Variants in REDIC1 observed in about 807,000 individuals in gnomAD.
REDIC1 encodes the protein regulator of DNA class I crossover intermediates 1, also known as HEI10 Interacting Protein 1.
the REDIC1 span, among the ~76,000 whole-genome samples, chr12:39,883,704 G>A: frequency 6.6e-6 from 1 of 152,160 alleles, no homozygotes; most frequent in African/African-American, 2.4e-5. Flanking sequence ...AACTTTGCAA[G>A]AACTTTCATT....
At chr12:39,701,635 C>T in the REDIC1 span, among the ~76,000 whole-genome samples, 1 of 152,180 alleles carries the variant, frequency 6.6e-6, no homozygotes, top group Non-Finnish European at 1.5e-5. Flanking sequence ...ACACAATATA[C>T]ATTTTTTTCA....
At chr12:39,683,751 G>T in the REDIC1 span, among the ~76,000 whole-genome samples, 2 of 151,636 alleles carry the variant, frequency 1.3e-5, no homozygotes, top group Non-Finnish European at 2.9e-5. Context: ...ATGTGTTCAA[G>T]AAACTCATAT....
the REDIC1 span, among the ~76,000 whole-genome samples, chr12:39,896,513 T>C: frequency 6.8e-6 from 1 of 147,522 alleles, no homozygotes; most frequent in East Asian, 2.0e-4. Context: ...TATGTACATG[T>C]GTGTATACAT....
At chr12:39,801,880 C>T in the REDIC1 span, among the ~76,000 whole-genome samples, 1 of 152,182 alleles carries the variant, frequency 6.6e-6, no homozygotes, top group African/African-American at 2.4e-5. Context: ...ACATTACTCA[C>T]TCACTACACA....
At chr12:39,740,603 T>A in the REDIC1 span, among the ~76,000 whole-genome samples, 1 of 152,288 alleles carries the variant, frequency 6.6e-6, no homozygotes, top group East Asian at 1.9e-4. Flanking sequence ...CAAGGATAAT[T>A]TGTGATGAAA....
At chr12:39,893,126 C>A in the REDIC1 span, among the ~76,000 whole-genome samples, 6 of 152,076 alleles carry the variant, frequency 3.9e-5, no homozygotes, top group African/African-American at 1.2e-4. Context: ...AATGAAAAAA[C>A]CCAATGAGAG....
chr12:39,859,544 C>G, the REDIC1 span, among the ~76,000 whole-genome samples: 453 of 152,146 alleles, frequency 3.0e-3, 5 homozygotes, highest in African/African-American at 9.9e-3. Flanking sequence ...CTTTTTAAGA[C>G]AGAGTCTCCC....
the REDIC1 span, among the ~76,000 whole-genome samples, chr12:39,893,530 C>T: frequency 1.3e-5 from 2 of 152,198 alleles, no homozygotes; most frequent in South Asian, 2.1e-4. Context: ...AAACTCCTGA[C>T]CTCAGGTGAT....
chr12:39,819,642 A>C, the REDIC1 span: 1 of 152,176 alleles, frequency 6.6e-6, no homozygotes, highest in Non-Finnish European at 1.5e-5. Flanking sequence ...AGGAACATTC[A>C]TTTCTTTAAA....
chr12:39,683,190 G>C, the REDIC1 span: 10 of 1,466,892 alleles, frequency 6.8e-6, no homozygotes, highest in Non-Finnish European at 9.2e-6. Context: ...TTTTCTTTCA[G>C]TTTTAGTATA....
At chr12:39,814,319 T>A in the REDIC1 span, among the ~76,000 whole-genome samples, 4 of 152,188 alleles carry the variant, frequency 2.6e-5, no homozygotes, top group African/African-American at 9.6e-5. Context: ...AATTATGTAC[T>A]TATAATTTCC....
At chr12:39,684,944 C>A in the REDIC1 span, 1 of 1,584,212 alleles carries the variant, frequency 6.3e-7, no homozygotes. Context: ...CACAGTCTCA[C>A]ATTATCTTCT....
the REDIC1 span, among the ~76,000 whole-genome samples, chr12:39,737,169 A>G: frequency 2.4e-3 from 373 of 152,320 alleles, 1 homozygote; most frequent in African/African-American, 8.1e-3. Context: ...AGTTGGTGAT[A>G]TTAAATGGAT....
At chr12:39,629,091 A>C in the REDIC1 span, among the ~76,000 whole-genome samples, 50 of 152,214 alleles carry the variant, frequency 3.3e-4, no homozygotes, top group Non-Finnish European at 6.5e-4. Context: ...CTAAGCCTTG[A>C]AGGACAGAAA....
chr12:39,811,566 A>G, the REDIC1 span, among the ~76,000 whole-genome samples: 9 of 152,238 alleles, frequency 5.9e-5, no homozygotes, highest in African/African-American at 1.9e-4. Flanking sequence ...TTTTTACAGC[A>G]TGGGTTATTT....
At chr12:39,653,558 T>C in the REDIC1 span, among the ~76,000 whole-genome samples, 90 of 43,834 alleles carry the variant, frequency 2.1e-3, 3 homozygotes, top group Admixed American at 3.0e-3. Context: ...CTTCTTCTTC[T>C]TTCTTCTTCT....
chr12:39,647,830 G>A, the REDIC1 span: 2 of 1,602,932 alleles, frequency 1.2e-6, no homozygotes, highest in Non-Finnish European at 8.5e-7. Context: ...TTCACCCTCA[G>A]TTCAGCAAAA....
At chr12:39,658,466 G>T in the REDIC1 span, among the ~76,000 whole-genome samples, 2 of 152,272 alleles carry the variant, frequency 1.3e-5, no homozygotes, top group Non-Finnish European at 2.9e-5. Context: ...TTGGTTCCCA[G>T]AAACTAAGAC....
chr12:39,821,364 T>C, the REDIC1 span, among the ~76,000 whole-genome samples: 1 of 152,006 alleles, frequency 6.6e-6, no homozygotes, highest in African/African-American at 2.4e-5. Flanking sequence ...GAGCCGAGAT[T>C]GTGCCACTAC....
Sources: allele counts gnomAD v4.1 joint callset (sites outside exome capture counted in the v4.1 genomes callset), GRCh38; gene constraint gnomAD v4.1.1; transcripts MANE v1.5; gene names NCBI Gene and HGNC (gene_info 2026-07-23, HGNC 2026-07-21).